Variants in GABRB3 observed in about 807,000 individuals in gnomAD.
GABRB3 encodes gamma-aminobutyric acid type A receptor subunit beta3, also known as gamma-aminobutyric acid receptor subunit beta-3.
In GABRB3, 14 loss-of-function variants were observed where a neutral mutation model predicts 52.1. The observed-to-expected ratio is 0.27, with a 90% CI of 0.18 to 0.42. GABRB3 has a LOEUF of 0.42. Among genes scored for constraint, GABRB3 ranks in the 10% least tolerant of loss-of-function variants. The pLI is 1.00. For missense variants in GABRB3, 307 were observed against 609.1 expected, an observed-to-expected ratio of 0.50 and a Z score of 5.22; for synonymous variants, 260 against 232.3, an observed-to-expected ratio of 1.12 and a Z score of -1.08.
In GABRB3 at chr15:26,767,687, A is replaced by C. The variant is rs1393714865; in HGVS notation, c.240+4715T>G. On this transcript the variant is annotated intron_variant, in intron 3 of 8. Transcript: ENST00000311550. ...GAGAACCTGGCCAGGGACTAGATGC[A>C]CTGTGTTCATTCAGCACTCACTGAA... Among the ~76,000 whole-genome samples the C allele has an allele frequency of 2.0e-5, 3 of 152,148 alleles. No homozygotes were observed. In the East Asian group the frequency reaches 5.8e-4, roughly 29 times the overall value.
chr15:26,599,502 C>G (rs1378133865), intron 4 of GABRB3, among the ~76,000 whole-genome samples: 1 of 152,216 alleles, frequency 6.6e-6, no homozygotes, highest in African/African-American at 2.4e-5. Context: ...GGAACCATCA[C>G]AGTAACCAGC....
At chr15:26,604,283 A>C (rs1357447635) in intron 4 of GABRB3, among the ~76,000 whole-genome samples, 1 of 152,206 alleles carries the variant, frequency 6.6e-6, no homozygotes, top group Non-Finnish European at 1.5e-5. Context: ...AAAACAATGA[A>C]AAGGTATTCC....
intron 3 of GABRB3, among the ~76,000 whole-genome samples, chr15:26,760,809 G>GCACACGCACA (rs1555383023): frequency 2.0e-5 from 3 of 149,286 alleles, no homozygotes; most frequent in Non-Finnish European, 3.0e-5. Context: ...ACACGCGCAC[G>GCACACGCACA]CACACACACA....
intron 4 of GABRB3, chr15:26,613,410 CAAAAGAAAGAAAGAAG>C (rs1892146032): frequency 6.7e-6 from 1 of 148,190 alleles, no homozygotes; most frequent in Admixed American, 6.8e-5. Flanking sequence ...GACTCCATCT[CAAAAGAAAGAAAGAAG>C]GAAAGAAAGA....
At chr15:26,596,252 T>C (rs1891391267) in intron 4 of GABRB3, among the ~76,000 whole-genome samples, 1 of 151,998 alleles carries the variant, frequency 6.6e-6, no homozygotes, top group African/African-American at 2.4e-5. Flanking sequence ...ATAAATAAAA[T>C]AGATATTTCT....
intron 4 of GABRB3, among the ~76,000 whole-genome samples, chr15:26,596,244 A>G (rs1235964129): frequency 6.6e-6 from 1 of 152,224 alleles, no homozygotes; most frequent in Non-Finnish European, 1.5e-5. Context: ...TTAAAAATAT[A>G]AATAAAATAG....
chr15:26,694,066 T>C (rs758779522), intron 3 of GABRB3, among the ~76,000 whole-genome samples: 4 of 152,054 alleles, frequency 2.6e-5, no homozygotes, highest in East Asian at 1.9e-4. Flanking sequence ...CTGGGCAACA[T>C]AGTAACATAT....
intron 3 of GABRB3, among the ~76,000 whole-genome samples, chr15:26,732,794 TC>T (rs1445600392): frequency 6.6e-6 from 1 of 152,004 alleles, no homozygotes; most frequent in African/African-American, 2.4e-5. Flanking sequence ...ATCAAGACCA[TC>T]CTGGCCAAAA....
intron 3 of GABRB3, among the ~76,000 whole-genome samples, chr15:26,651,334 T>C (rs1424831658): frequency 6.6e-6 from 1 of 152,242 alleles, no homozygotes; most frequent in Admixed American, 6.5e-5. Context: ...AGGGCACCCC[T>C]GTGGTGTGTC....
At chr15:26,754,036 A>G (rs772474176) in intron 3 of GABRB3, among the ~76,000 whole-genome samples, 7 of 152,212 alleles carry the variant, frequency 4.6e-5, no homozygotes, top group Non-Finnish European at 1.0e-4. Context: ...CATTTTCTCC[A>G]GTGTGTGGGC....
chr15:26,627,759 T>C (rs970865309), intron 3 of GABRB3, among the ~76,000 whole-genome samples: 29 of 152,358 alleles, frequency 1.9e-4, no homozygotes, highest in African/African-American at 6.0e-4. Flanking sequence ...CTGGTGAGGA[T>C]GTTGTGAACA....
chr15:26,730,164 G>C (rs904805387), intron 3 of GABRB3, among the ~76,000 whole-genome samples: 4 of 152,158 alleles, frequency 2.6e-5, no homozygotes, highest in African/African-American at 9.6e-5. Flanking sequence ...TACAGTCCAA[G>C]TGGAGAAAAT....
At chr15:26,767,851 C>T (rs559938174) in intron 3 of GABRB3, among the ~76,000 whole-genome samples, 9 of 152,328 alleles carry the variant, frequency 5.9e-5, no homozygotes, top group African/African-American at 1.7e-4. Flanking sequence ...CTCCTCTTTG[C>T]CCCTCTTCTA....
chr15:26,754,209 G>A (rs1459214209), intron 3 of GABRB3, among the ~76,000 whole-genome samples: 1 of 152,182 alleles, frequency 6.6e-6, no homozygotes, highest in Non-Finnish European at 1.5e-5. Flanking sequence ...ATTTCTGAAA[G>A]AGCAGAAGGA....
chr15:26,675,586 G>T (rs142190016), intron 3 of GABRB3, among the ~76,000 whole-genome samples: 1 of 152,278 alleles, frequency 6.6e-6, no homozygotes, highest in Non-Finnish European at 1.5e-5. Flanking sequence ...GATAGGTATA[G>T]GAACCACTGC....
chr15:26,688,243 G>A (rs557505525), intron 3 of GABRB3, among the ~76,000 whole-genome samples: 5 of 152,066 alleles, frequency 3.3e-5, no homozygotes, highest in Non-Finnish European at 7.4e-5. Context: ...AACACTAAAC[G>A]GGAACATCAG....
At chr15:26,565,301 A>AG (rs1174516725) in intron 7 of GABRB3, among the ~76,000 whole-genome samples, 2 of 152,138 alleles carry the variant, frequency 1.3e-5, no homozygotes, top group African/African-American at 4.8e-5. Context: ...GGAGGGACAG[A>AG]GGGAATGCAT....
intron 4 of GABRB3, among the ~76,000 whole-genome samples, chr15:26,601,413 G>GA (rs35144564): frequency 2.6e-4 from 36 of 138,396 alleles, no homozygotes; most frequent in South Asian, 4.5e-4. Context: ...CCGTCTCAAA[G>GA]AAAAAAAAAA....
chr15:26,587,155 T>C (rs1448469858), intron 4 of GABRB3, among the ~76,000 whole-genome samples: 1 of 152,172 alleles, frequency 6.6e-6, no homozygotes, highest in African/African-American at 2.4e-5. Context: ...GCCCCATACA[T>C]TGTTCCGCCA....
Sources: allele counts gnomAD v4.1 joint callset (sites outside exome capture counted in the v4.1 genomes callset), GRCh38; gene constraint gnomAD v4.1.1; transcripts MANE v1.5; gene names NCBI Gene and HGNC (gene_info 2026-07-23, HGNC 2026-07-21).